The following PALS2 variants were observed in gnomAD, a reference collection of about 807,000 sequenced individuals.
PALS2 encodes the protein protein PALS2.
A neutral mutation model predicts 61.6 loss-of-function variants in PALS2; 27 were observed. That is an observed-to-expected ratio of 0.44 (90% CI 0.32 to 0.60). PALS2 has a LOEUF of 0.60. PALS2 is among the 20% of genes least tolerant of loss of function. PALS2 has a pLI of 0.05. For synonymous variants in PALS2, 236 were observed against 218.6 expected, an observed-to-expected ratio of 1.08 and a Z score of -0.70; for missense variants, 554 against 639.4, an observed-to-expected ratio of 0.87 and a Z score of 1.44.
rs1178220257 is a variant in PALS2, at chr7:24,573,594, G to C, written c.-3+1G>C. 2.4e-5 allele frequency: 9 copies of C among 371,778 alleles called. No individual in the cohort carries two copies. In the East Asian group the frequency reaches 3.5e-4, roughly 14 times the overall value. The allele number at this position is 371,778 out of a possible 1,614,324, so 23.0% of individuals were successfully genotyped here. A position where few individuals can be genotyped will look rare whatever the true frequency, so the allele number is the denominator to read the frequency against. ...GCGGAGGCGGCTGAGGTGCGAGCCG[G>C]TGAGTTAACTGGACCCCCACGCCGC... On this transcript the variant is annotated splice_donor_variant, in intron 1 of 11. Transcript: ENST00000222644. LOFTEE classifies it low-confidence loss of function (5UTR_SPLICE). The surrounding 1 kb of genome is among the most constrained non-coding windows in gnomAD (Gnocchi z 5.3).
chr7:24,585,651 C>T (rs980107568), intron 1 of PALS2, among the ~76,000 whole-genome samples: 1 of 152,160 alleles, frequency 6.6e-6, no homozygotes, highest in Non-Finnish European at 1.5e-5. Context: ...ATCTCCATCC[C>T]CTCCTTTCCA....
intron 5 of PALS2, 78 bp downstream of exon 5, chr7:24,650,790 C>G: frequency 9.9e-7 from 1 of 1,005,192 alleles, no homozygotes. Flanking sequence ...CTATCAGTTG[C>G]TACTATTTTG....
chr7:24,680,886 G>A (rs1011572730), intron 11 of PALS2, among the ~76,000 whole-genome samples: 11 of 152,170 alleles, frequency 7.2e-5, no homozygotes, highest in Non-Finnish European at 1.3e-4. Context: ...GTGAGCCACC[G>A]TGCCTGGCCA....
At position 24,691,935 on chromosome 7, in the gene PALS2, A is replaced by T. The variant is rs1788497406; in HGVS notation, c.*4321A>T. ...GAATACTCACAAAATTTAAGAATAC[A>T]TTTGACTAATAATTGAGCATCTTGT... On this transcript the variant is annotated 3_prime_UTR_variant, in exon 12 of 12. Transcript: ENST00000222644. 1 of 152,154 alleles carries T rather than the reference A, an allele frequency of 6.6e-6. No homozygotes were observed. Among genetic ancestry groups the T allele is most frequent in the South Asian group, 2.1e-4 (1 of 4,832 alleles). The allele number at this position is 152,154 out of a possible 1,614,324, so 9.4% of individuals were successfully genotyped here.
chr7:24,651,432 T>C (rs2128079036), intron 5 of PALS2, among the ~76,000 whole-genome samples: 1 of 152,310 alleles, frequency 6.6e-6, no homozygotes, highest in East Asian at 1.9e-4. Context: ...GCTTCATTTT[T>C]CTCATCTATA....
intron 1 of PALS2, among the ~76,000 whole-genome samples, chr7:24,595,521 A>AT (rs1783479820): frequency 2.3e-5 from 3 of 132,774 alleles, no homozygotes; most frequent in African/African-American, 8.7e-5. Flanking sequence ...TATATAATAT[A>AT]TATAATATAT....
At chr7:24,637,287 C>G (rs1785282421) in intron 2 of PALS2, among the ~76,000 whole-genome samples, 1 of 136,446 alleles carries the variant, frequency 7.3e-6, no homozygotes, top group Non-Finnish European at 1.5e-5. Context: ...TTTACTTACA[C>G]TTACTCATCT....
At chr7:24,643,915 A>G (rs1785692437) in intron 3 of PALS2, among the ~76,000 whole-genome samples, 1 of 152,114 alleles carries the variant, frequency 6.6e-6, no homozygotes, top group Non-Finnish European at 1.5e-5. Context: ...TTGGCCCACC[A>G]CAGGGCTGAG....
In PALS2 at chr7:24,641,007, C is replaced by CAAA. The variant is rs35912373; in HGVS notation, c.118-688_118-686dup. Among the ~76,000 whole-genome samples the CAAA allele has an allele frequency of 6.5e-3, 437 of 66,846 alleles. 18 individuals carry two copies. Among genetic ancestry groups the CAAA allele is most frequent in the African/African-American group, 0.017 (295 of 17,586 alleles). The allele number at this position is 66,846 out of a possible 152,430, so 43.9% of individuals were successfully genotyped here. On this transcript the variant is annotated intron_variant, in intron 2 of 11. Coordinates refer to ENST00000222644, the MANE Select transcript of PALS2 (RefSeq NM_001303037.2). ...TGGGCAACAGTGCGAGACTCCATCT[C>CAAA]AAAAAAAAAAAAAAAAAAAAAAAGA...
At chr7:24,648,576 G>A (rs920987195) in intron 3 of PALS2, among the ~76,000 whole-genome samples, 2 of 151,864 alleles carry the variant, frequency 1.3e-5, no homozygotes, top group African/African-American at 4.8e-5. Context: ...TTACAGGCAT[G>A]AGCCACCGCG....
In PALS2 at chr7:24,595,397, TATATATAAAAAATATATATAA is replaced by T. The variant is rs1031847618; in HGVS notation, c.-3+21823_-3+21843del. On this transcript the variant is annotated intron_variant, in intron 1 of 11. Coordinates refer to ENST00000222644, the MANE Select transcript of PALS2 (RefSeq NM_001303037.2). ...CTTTGAGAGACATCAACTATTTATATATATATAAAAAATATATATAAATATATAAAAAATATATAAAATACA... is the reference window on the plus strand; with the variant it reads ...CTTTGAGAGACATCAACTATTTATATATATATAAAAAATATATAAAATACA... 9.1e-5 allele frequency among the ~76,000 whole-genome samples: 13 copies of T among 142,956 alleles called. No homozygotes were observed. The South Asian group carries it at 1.1e-3, about 12-fold the overall frequency. The allele number at this position is 142,956 out of a possible 152,430, so 93.8% of individuals were successfully genotyped here.
At chr7:24,606,026 A>G (rs1162177741) in intron 1 of PALS2, among the ~76,000 whole-genome samples, 1 of 152,158 alleles carries the variant, frequency 6.6e-6, no homozygotes, top group African/African-American at 2.4e-5. Flanking sequence ...TTCATCTTTT[A>G]AAATCCCATG....
intron 5 of PALS2, among the ~76,000 whole-genome samples, chr7:24,662,261 A>G (rs1297655421): frequency 3.3e-5 from 5 of 152,208 alleles, no homozygotes; most frequent in South Asian, 2.1e-4. Context: ...ATCGATCACA[A>G]TACTTTTACC....
intron 9 of PALS2, among the ~76,000 whole-genome samples, chr7:24,677,904 G>A (rs1445141717): frequency 6.6e-6 from 1 of 152,150 alleles, no homozygotes; most frequent in Non-Finnish European, 1.5e-5. Context: ...TTATTTTTGA[G>A]CATGAGTTTG....
At chr7:24,636,834 A>G (rs990049336) in intron 2 of PALS2, among the ~76,000 whole-genome samples, 3 of 152,100 alleles carry the variant, frequency 2.0e-5, no homozygotes, top group Middle Eastern at 3.4e-3. Flanking sequence ...CTTGAATATG[A>G]TTTGTGTTTT....
In PALS2 at chr7:24,689,203, A is replaced by G. The variant is rs1301562163; in HGVS notation, c.*1589A>G. The G allele has an allele frequency of 6.6e-6, 1 of 152,236 alleles. No homozygotes were observed. The highest frequency in any genetic ancestry group is 1.5e-5 in the Non-Finnish European group (1 of 68,046). The allele number at this position is 152,236 out of a possible 1,614,324, so 9.4% of individuals were successfully genotyped here. ...CAAATTCCCACATTCACCTCAGTTA[A>G]TATCTTCCTTTAGGATTCTTGGATA... On this transcript the variant is annotated 3_prime_UTR_variant, in exon 12 of 12. Coordinates refer to ENST00000222644, the MANE Select transcript of PALS2 (RefSeq NM_001303037.2).
At chr7:24,587,748 T>C (rs538811230) in intron 1 of PALS2, among the ~76,000 whole-genome samples, 17 of 152,196 alleles carry the variant, frequency 1.1e-4, no homozygotes, top group Non-Finnish European at 2.2e-4. Context: ...GTCTGAGTCT[T>C]CCTCTCTGAC....
intron 1 of PALS2, among the ~76,000 whole-genome samples, chr7:24,602,646 T>G (rs1490202749): frequency 6.6e-6 from 1 of 152,188 alleles, no homozygotes; most frequent in Middle Eastern, 3.2e-3. Flanking sequence ...CTATATTATT[T>G]CATTGTCTTT....
intron 5 of PALS2, among the ~76,000 whole-genome samples, chr7:24,657,387 C>T (rs757938589): frequency 6.6e-6 from 1 of 152,130 alleles, no homozygotes; most frequent in Non-Finnish European, 1.5e-5. Flanking sequence ...TATGGTCAGT[C>T]TTTAAAATTT....
Sources: allele counts gnomAD v4.1 joint callset (sites outside exome capture counted in the v4.1 genomes callset), GRCh38; gene constraint gnomAD v4.1.1; non-coding constraint Gnocchi (gnomAD v3.1); transcripts MANE v1.5; gene names NCBI Gene and HGNC (gene_info 2026-07-23, HGNC 2026-07-21).